Variants in KIAA1328 observed in about 807,000 individuals in gnomAD.
KIAA1328 encodes protein hinderin.
KIAA1328 carries 52 observed loss-of-function variants against 68.1 expected under a neutral mutation model. That is an observed-to-expected ratio of 0.76 (90% confidence interval 0.61 to 0.96). The LOEUF (loss-of-function observed/expected upper bound fraction) is 0.96, where lower values mean the gene tolerates loss of function less well. Among genes scored for constraint, KIAA1328 ranks in the 40% least tolerant of loss-of-function variants. KIAA1328 has a pLI of 0.00. For synonymous variants in KIAA1328, 232 were observed against 239.4 expected (o/e 0.97, Z 0.28); for missense variants, 641 against 677.6 (o/e 0.95, Z 0.60).
intron 6 of KIAA1328, among the ~76,000 whole-genome samples, chr18:36,974,756 C>T (rs988788033): frequency 7.9e-5 from 12 of 152,166 alleles, no homozygotes; most frequent in South Asian, 2.1e-4. Context: ...TATTTACACT[C>T]GCATCAACAG....
At chr18:37,040,544 T>C (rs1046822156) in intron 6 of KIAA1328, among the ~76,000 whole-genome samples, 2 of 152,086 alleles carry the variant, frequency 1.3e-5, no homozygotes, top group African/African-American at 4.8e-5. Context: ...TCATTGATTT[T>C]TTTCCAATTT....
intron 5 of KIAA1328, among the ~76,000 whole-genome samples, chr18:36,913,287 G>C (rs2049529303): frequency 1.3e-5 from 2 of 151,670 alleles, no homozygotes; most frequent in South Asian, 4.2e-4. Context: ...GAGAAGCCAA[G>C]GTGGGAGGAT....
chr18:36,852,316 G>C lies in KIAA1328; in HGVS notation c.332+8014G>C, dbSNP rs556450887. On this transcript the variant is annotated intron_variant, in intron 4 of 9. Coordinates refer to ENST00000280020, the MANE Select transcript of KIAA1328 (RefSeq NM_020776.3). ...TTTAGCTGGTTATTGTGTTGTTCAA[G>C]TCCTTTCTTGTTACAGGCTGAAAGA... 2.2e-4 allele frequency among the ~76,000 whole-genome samples: 33 copies of C among 152,210 alleles called. 1 individual carries two copies. The South Asian group carries it at 6.8e-3, about 32-fold the overall frequency.
At chr18:36,953,302 T>A (rs2051243291) in intron 5 of KIAA1328, among the ~76,000 whole-genome samples, 1 of 147,252 alleles carries the variant, frequency 6.8e-6, no homozygotes. Context: ...ATATTTATTA[T>A]ATACAAATAT....
chr18:36,885,459 A>C, intron 4 of KIAA1328, 98 bp from the exon 5 acceptor site: 1 of 632,594 alleles, frequency 1.6e-6, no homozygotes, highest in South Asian at 2.8e-5. Context: ...AGAATTCGGC[A>C]TACCTTTGGA....
intron 5 of KIAA1328, among the ~76,000 whole-genome samples, chr18:36,895,140 C>T (rs1018772223): frequency 6.6e-6 from 1 of 152,170 alleles, no homozygotes; most frequent in Non-Finnish European, 1.5e-5. Flanking sequence ...GCATTCATAC[C>T]TGTACCAGCT....
intron 7 of KIAA1328, among the ~76,000 whole-genome samples, chr18:37,098,301 C>T (rs2057478698): frequency 6.6e-6 from 1 of 152,160 alleles, no homozygotes; most frequent in African/African-American, 2.4e-5. Context: ...TGAATTTTGT[C>T]AAAGGCCTTT....
chr18:37,203,902 C>T (rs570230282), intron 9 of KIAA1328, among the ~76,000 whole-genome samples: 24 of 152,242 alleles, frequency 1.6e-4, no homozygotes, highest in East Asian at 3.9e-4. Context: ...CTCCGCCTCC[C>T]GGGTTCATGC....
intron 4 of KIAA1328, among the ~76,000 whole-genome samples, chr18:36,860,423 A>G (rs1165436932): frequency 6.6e-6 from 1 of 151,984 alleles, no homozygotes; most frequent in South Asian, 2.1e-4. Context: ...GTTTGACTCT[A>G]TATTTATTAG....
downstream of KIAA1328, among the ~76,000 whole-genome samples, chr18:37,226,473 C>A (rs2060638256): frequency 6.6e-6 from 1 of 152,122 alleles, no homozygotes; most frequent in African/African-American, 2.4e-5. Flanking sequence ...ATACTGCCAG[C>A]CCTAGCCTAC....
intron 6 of KIAA1328, among the ~76,000 whole-genome samples, chr18:36,979,834 A>G (rs1044009788): frequency 5.3e-5 from 8 of 152,206 alleles, no homozygotes; most frequent in Non-Finnish European, 7.3e-5. Context: ...CACTGTCTAT[A>G]GTGTATACCA....
At chr18:37,108,159 T>C (rs1023996918) in intron 7 of KIAA1328, among the ~76,000 whole-genome samples, 2 of 152,170 alleles carry the variant, frequency 1.3e-5, no homozygotes, top group African/African-American at 4.8e-5. Flanking sequence ...AAAGAAAATA[T>C]GGTAAATATA....
intron 4 of KIAA1328, among the ~76,000 whole-genome samples, chr18:36,853,198 C>T (rs2047270970): frequency 6.6e-6 from 1 of 152,080 alleles, no homozygotes; most frequent in South Asian, 2.1e-4. Context: ...TGATTATCTT[C>T]TGGGGAATAT....
At chr18:37,205,241 C>T (rs1447388434) in intron 9 of KIAA1328, among the ~76,000 whole-genome samples, 1 of 152,092 alleles carries the variant, frequency 6.6e-6, no homozygotes, top group Non-Finnish European at 1.5e-5. Flanking sequence ...CACATTAAGG[C>T]CAGAAGGAGG....
intron 9 of KIAA1328, among the ~76,000 whole-genome samples, chr18:37,178,728 A>G (rs570715113): frequency 8.5e-5 from 13 of 152,238 alleles, no homozygotes; most frequent in African/African-American, 2.2e-4. Flanking sequence ...TCTTTCTCCA[A>G]TCATTGCCAA....
At chr18:37,110,550 C>T (rs2057902135) in intron 7 of KIAA1328, among the ~76,000 whole-genome samples, 1 of 152,092 alleles carries the variant, frequency 6.6e-6, no homozygotes, top group African/African-American at 2.4e-5. Flanking sequence ...CTATAGCTTC[C>T]ATTTGCTTTT....
At chr18:37,064,829 T>C (rs1258415918) in intron 6 of KIAA1328, among the ~76,000 whole-genome samples, 2 of 152,070 alleles carry the variant, frequency 1.3e-5, no homozygotes, top group Admixed American at 1.3e-4. Flanking sequence ...CACTAGAAGC[T>C]AAAAAAGGCA....
chr18:36,987,256 A>G (rs1443519684), intron 6 of KIAA1328, among the ~76,000 whole-genome samples: 9 of 113,994 alleles, frequency 7.9e-5, no homozygotes, highest in Admixed American at 4.1e-4. Flanking sequence ...AACACCGCAT[A>G]TTCTCACTCA....
chr18:36,829,749 G>A (rs942111309), intron 1 of KIAA1328, among the ~76,000 whole-genome samples: 2 of 152,164 alleles, frequency 1.3e-5, no homozygotes, highest in South Asian at 2.1e-4. Context: ...ATGTGGTCTG[G>A]TGGTGCTGGT....
Sources: allele counts gnomAD v4.1 joint callset (sites outside exome capture counted in the v4.1 genomes callset), GRCh38; gene constraint gnomAD v4.1.1; transcripts MANE v1.5; gene names NCBI Gene and HGNC (gene_info 2026-07-23, HGNC 2026-07-21).